Variants in ALOX5AP observed in about 807,000 individuals in gnomAD.
The protein encoded by ALOX5AP is arachidonate 5-lipoxygenase-activating protein.
ALOX5AP carries 9 observed loss-of-function variants against 18.5 expected under a neutral mutation model. The observed-to-expected ratio is 0.49, with a 90% CI of 0.29 to 0.85. ALOX5AP has a LOEUF of 0.85. ALOX5AP is among the 40% of genes least tolerant of loss of function. The pLI is 0.08. For missense variants in ALOX5AP, 172 were observed against 202.5 expected (o/e 0.85, Z 0.91); for synonymous variants, 81 against 78.6 (o/e 1.03, Z -0.16).
At chr13:30,741,744 T>C (rs550374135) in intron 1 of ALOX5AP, among the ~76,000 whole-genome samples, 3 of 151,680 alleles carry the variant, frequency 2.0e-5, no homozygotes, top group Non-Finnish European at 4.4e-5. Context: ...ATGTAAATGC[T>C]ATGTAAACAG....
At chr13:30,740,374 G>T (rs1220170967) in intron 1 of ALOX5AP, among the ~76,000 whole-genome samples, 1 of 152,174 alleles carries the variant, frequency 6.6e-6, no homozygotes, top group Non-Finnish European at 1.5e-5. Context: ...GTTGCTGAAG[G>T]TCTTGCACAA....
chr13:30,734,357 T>A (rs752649072), upstream of ALOX5AP, among the ~76,000 whole-genome samples: 8 of 152,218 alleles, frequency 5.3e-5, no homozygotes, highest in Admixed American at 1.3e-4. Context: ...TATCTTCCCC[T>A]ACACTGACCT....
chr13:30,735,821 T>A, intron 1 of ALOX5AP, 146 bp downstream of exon 1: 2 of 1,024,070 alleles, frequency 2.0e-6, no homozygotes, highest in Non-Finnish European at 2.8e-6. Flanking sequence ...TTTATTTGAA[T>A]GTATAGGGTT....
At chr13:30,745,742 C>A (rs1448405232) in intron 2 of ALOX5AP, among the ~76,000 whole-genome samples, 1 of 152,206 alleles carries the variant, frequency 6.6e-6, no homozygotes, top group Non-Finnish European at 1.5e-5. Flanking sequence ...GAGAAAGATA[C>A]TAGAGTCCCG....
upstream of ALOX5AP, among the ~76,000 whole-genome samples, chr13:30,731,410 C>T (rs1420220988): frequency 2.7e-5 from 4 of 149,524 alleles, no homozygotes; most frequent in East Asian, 7.8e-4. Flanking sequence ...ATCTCCCTCT[C>T]TTGCCCAGGC....
intron 2 of ALOX5AP, among the ~76,000 whole-genome samples, chr13:30,745,818 C>T (rs17245498): frequency 0.013 from 1,926 of 152,288 alleles, 42 homozygotes; most frequent in African/African-American, 0.044. Context: ...GTCAAAACTT[C>T]TCCCCAGACG....
At chr13:30,759,698 G>A (rs560705195) in intron 4 of ALOX5AP, among the ~76,000 whole-genome samples, 5 of 152,344 alleles carry the variant, frequency 3.3e-5, no homozygotes, top group African/African-American at 1.2e-4. Context: ...CAAGTGTGGA[G>A]TATGGTGTTA....
chr13:30,742,185 G>A (rs950073502), intron 1 of ALOX5AP, among the ~76,000 whole-genome samples: 12 of 151,964 alleles, frequency 7.9e-5, no homozygotes, highest in African/African-American at 2.9e-4. Flanking sequence ...GCGTGATGAC[G>A]CATGCCTGTA....
chr13:30,727,294 T>C (rs1951646557), intron 1 of ALOX5AP, among the ~76,000 whole-genome samples: 1 of 152,148 alleles, frequency 6.6e-6, no homozygotes, highest in East Asian at 1.9e-4. Context: ...CCCACCTGCT[T>C]TGACCTCCCA....
upstream of ALOX5AP, among the ~76,000 whole-genome samples, chr13:30,732,118 T>C (rs982250306): frequency 6.6e-6 from 1 of 152,262 alleles, no homozygotes; most frequent in Non-Finnish European, 1.5e-5. Context: ...CCCGGGCCTC[T>C]GCACGTGCTC....
At chr13:30,742,748 A>G (rs958164150) in intron 1 of ALOX5AP, among the ~76,000 whole-genome samples, 3 of 152,114 alleles carry the variant, frequency 2.0e-5, no homozygotes, top group African/African-American at 7.2e-5. Context: ...AATTGATGAA[A>G]AGGAACCCTG....
intron 2 of ALOX5AP, 173 bp downstream of exon 2, chr13:30,744,332 T>A: frequency 1.7e-6 from 1 of 579,026 alleles, no homozygotes; most frequent in Non-Finnish European, 3.1e-6. Flanking sequence ...CCCTTTATCA[T>A]CTTAGTGAGT....
chr13:30,713,608 C>A, exon 1 of ALOX5AP: 2 of 731,596 alleles, frequency 2.7e-6, no homozygotes, highest in Admixed American at 4.6e-5. Flanking sequence ...CCCCCTCACA[C>A]CTCCTCTCAT....
intron 1 of ALOX5AP, among the ~76,000 whole-genome samples, chr13:30,740,454 CTCTA>C (rs1197217571): frequency 1.3e-5 from 2 of 152,214 alleles, no homozygotes; most frequent in African/African-American, 4.8e-5. Context: ...GCAGCCATCT[CTCTA>C]TCTGTGTCTT....
At chr13:30,740,323 C>A (rs1262664203) in intron 1 of ALOX5AP, among the ~76,000 whole-genome samples, 1 of 152,180 alleles carries the variant, frequency 6.6e-6, no homozygotes, top group East Asian at 1.9e-4. Context: ...CCCTCCGTTT[C>A]CTTCACTGAG....
intron 1 of ALOX5AP, among the ~76,000 whole-genome samples, chr13:30,723,332 G>A (rs1470061719): frequency 2.0e-5 from 3 of 152,194 alleles, no homozygotes; most frequent in Non-Finnish European, 4.4e-5. Flanking sequence ...ATGTCCAGTT[G>A]TTCCAGCACC....
chr13:30,741,945 G>T (rs1268973872), intron 1 of ALOX5AP, among the ~76,000 whole-genome samples: 1 of 151,522 alleles, frequency 6.6e-6, no homozygotes, highest in Non-Finnish European at 1.5e-5. Context: ...TACCATCTTG[G>T]GTTCCAGAAA....
upstream of ALOX5AP, chr13:30,735,496 T>G: frequency 6.5e-7 from 1 of 1,539,468 alleles, no homozygotes; most frequent in Admixed American, 2.0e-5. Flanking sequence ...GCCGGGGATC[T>G]TCAGAAATTG....
intron 4 of ALOX5AP, among the ~76,000 whole-genome samples, chr13:30,757,709 A>C (rs1340577432): frequency 6.6e-6 from 1 of 152,086 alleles, no homozygotes; most frequent in Non-Finnish European, 1.5e-5. Flanking sequence ...CAGCTGCTTT[A>C]ATTCCGAGAC....
Sources: gnomAD v4.1 joint callset for allele counts (sites outside exome capture counted in the v4.1 genomes callset) on GRCh38, gnomAD v4.1.1 for gene constraint, MANE v1.5 for transcripts, NCBI Gene and HGNC (gene_info 2026-07-23, HGNC 2026-07-21) for gene names.